Variants in CBLN2 observed in about 807,000 individuals in gnomAD.
The protein encoded by CBLN2 is cerebellin 2 precursor.
In CBLN2, 7 loss-of-function variants were observed where a neutral mutation model predicts 15.0. The observed-to-expected ratio is 0.47, with a 90% confidence interval of 0.27 to 0.88. The LOEUF (loss-of-function observed/expected upper bound fraction) is 0.88. Ranked by LOEUF, CBLN2 falls within the 40% of genes least tolerant of loss-of-function variation. The probability of loss-of-function intolerance (pLI) is 0.14; values close to 1 mark genes in which losing one functional copy is unlikely to be tolerated. For synonymous variants in CBLN2, 149 were observed against 135.2 expected (o/e 1.10, Z -0.71); for missense variants, 242 against 304.5 (o/e 0.79, Z 1.53).
rs530781693 is a variant in CBLN2, at chr18:72,604,216, G to A, written c.15+34109C>T. On this transcript the variant is annotated intron_variant, in intron 1 of 2. Coordinates refer to the CBLN2 transcript ENST00000581073. ...GCTCCTCCTCAGACCTGTTGAAACA[G>A]TCTGCTTTATAACAAGAGTCATAAG... Among the ~76,000 whole-genome samples the A allele has an allele frequency of 3.3e-5, 5 of 152,288 alleles. No individual in the cohort carries two copies. In the East Asian group the frequency reaches 7.7e-4, roughly 23 times the overall value.
chr18:72,565,484 G>C (rs1031288920), intron 1 of CBLN2, among the ~76,000 whole-genome samples: 1 of 152,084 alleles, frequency 6.6e-6, no homozygotes, highest in Non-Finnish European at 1.5e-5. Flanking sequence ...AACATAAAAA[G>C]ATGTAAATAA....
At chr18:72,541,160 A>G (rs2069107255) in intron 3 of CBLN2, among the ~76,000 whole-genome samples, 1 of 152,136 alleles carries the variant, frequency 6.6e-6, no homozygotes, top group Non-Finnish European at 1.5e-5. Flanking sequence ...GTACCAACAC[A>G]CTGTTCATGT....
intron 1 of CBLN2, among the ~76,000 whole-genome samples, chr18:72,569,764 G>A (rs1217017041): frequency 1.3e-5 from 2 of 152,118 alleles, no homozygotes; most frequent in Non-Finnish European, 2.9e-5. Flanking sequence ...TCACCAAGGG[G>A]AAGGCAATAA....
intron 1 of CBLN2, among the ~76,000 whole-genome samples, chr18:72,569,229 G>T (rs1315329955): frequency 6.6e-6 from 1 of 152,046 alleles, no homozygotes; most frequent in African/African-American, 2.4e-5. Flanking sequence ...AATAATAATA[G>T]TAAAATGTTT....
intron 1 of CBLN2, among the ~76,000 whole-genome samples, chr18:72,569,796 C>A (rs989233633): frequency 2.6e-5 from 4 of 152,096 alleles, no homozygotes; most frequent in Non-Finnish European, 5.9e-5. Flanking sequence ...GGGATTCTCC[C>A]CTACGATCTA....
chr18:72,559,653 C>T (rs948710131), intron 1 of CBLN2, among the ~76,000 whole-genome samples: 1 of 152,216 alleles, frequency 6.6e-6, no homozygotes, highest in African/African-American at 2.4e-5. Context: ...CTTTTCATTG[C>T]CAGCCGGTGG....
At chr18:72,548,056 G>C (rs564141471), upstream of CBLN2, among the ~76,000 whole-genome samples, 1 of 152,346 alleles carries the variant, frequency 6.6e-6, no homozygotes, top group Admixed American at 6.5e-5. Flanking sequence ...AGAACCATCT[G>C]AGAGGCTCTG....
intron 1 of CBLN2, among the ~76,000 whole-genome samples, chr18:72,604,793 G>T (rs191054033): frequency 6.6e-6 from 1 of 152,338 alleles, no homozygotes; most frequent in Admixed American, 6.5e-5. Context: ...CTCACCAGAT[G>T]CAGGCCCTCA....
At chr18:72,618,770 C>G (rs908628735) in intron 1 of CBLN2, 9 of 727,250 alleles carry the variant, frequency 1.2e-5, no homozygotes, top group Non-Finnish European at 2.3e-5. Flanking sequence ...AAATACCATT[C>G]TGTGAATGGC....
chr18:72,584,784 C>T (rs965682745), intron 1 of CBLN2, among the ~76,000 whole-genome samples: 1 of 152,114 alleles, frequency 6.6e-6, no homozygotes, highest in African/African-American at 2.4e-5. Flanking sequence ...TCACAGGATC[C>T]TTGGGGTGTC....
chr18:72,590,050 G>A lies in CBLN2; in HGVS notation c.15+48275C>T, dbSNP rs187189728. On this transcript the variant is annotated intron_variant, in intron 1 of 2. Transcript: ENST00000581073. Reference sequence around the variant, plus strand: ...TGGGAGGCCGAGGCGGGCAGATCACGAGGTCAGGAGATCAAGACCACCCTG... The same window carrying A: ...TGGGAGGCCGAGGCGGGCAGATCACAAGGTCAGGAGATCAAGACCACCCTG... Among the ~76,000 whole-genome samples, 355 of 152,216 alleles carry A rather than the reference G, an allele frequency of 2.3e-3. 3 individuals carry two copies. The highest frequency in any genetic ancestry group is 7.7e-3 in the African/African-American group (320 of 41,534).
intron 1 of CBLN2, chr18:72,625,313 C>T (rs1429723578): frequency 2.0e-5 from 3 of 152,056 alleles, no homozygotes; most frequent in East Asian, 1.9e-4. Context: ...GAGAGTAACT[C>T]GGGCTGTGGA....
intron 1 of CBLN2, among the ~76,000 whole-genome samples, chr18:72,579,487 C>T (rs1483030568): frequency 2.0e-5 from 3 of 152,072 alleles, no homozygotes; most frequent in African/African-American, 7.2e-5. Flanking sequence ...AATCCCAGCA[C>T]TTTGGGAGGC....
chr18:72,614,554 T>G (rs772776311), intron 1 of CBLN2, among the ~76,000 whole-genome samples: 1 of 152,138 alleles, frequency 6.6e-6, no homozygotes, highest in Non-Finnish European at 1.5e-5. Context: ...GAATTGCAGG[T>G]GTGATTTAAA....
chr18:72,586,912 A>C (rs1225524728), intron 1 of CBLN2, among the ~76,000 whole-genome samples: 3 of 152,042 alleles, frequency 2.0e-5, no homozygotes, highest in African/African-American at 7.2e-5. Context: ...GAAAATCCTA[A>C]GGTTAAAATT....
chr18:72,636,863 C>T (rs933225129), intron 1 of CBLN2, among the ~76,000 whole-genome samples: 1 of 151,938 alleles, frequency 6.6e-6, no homozygotes. Context: ...AATTTTATAG[C>T]TCTTGTCATT....
chr18:72,615,284 T>A (rs376058467), intron 1 of CBLN2, among the ~76,000 whole-genome samples: 71 of 32,946 alleles, frequency 2.2e-3, no homozygotes, highest in East Asian at 9.1e-3. Context: ...ATATATATAT[T>A]TTTTTTTTGA....
At chr18:72,595,641 G>T (rs76397008) in intron 1 of CBLN2, among the ~76,000 whole-genome samples, 1 of 152,044 alleles carries the variant, frequency 6.6e-6, no homozygotes, top group African/African-American at 2.4e-5. Context: ...GGCTGTTGTC[G>T]TACTGGGGTT....
chr18:72,590,665 C>A (rs2069474706), intron 1 of CBLN2, among the ~76,000 whole-genome samples: 1 of 152,044 alleles, frequency 6.6e-6, no homozygotes, highest in Non-Finnish European at 1.5e-5. Flanking sequence ...ATATTTATGA[C>A]AATAGAGTAA....
Sources: gnomAD v4.1 joint callset for allele counts (sites outside exome capture counted in the v4.1 genomes callset) on GRCh38, gnomAD v4.1.1 for gene constraint, MANE v1.5 for transcripts, NCBI Gene and HGNC (gene_info 2026-07-23, HGNC 2026-07-21) for gene names.